The following SPAG17 variants were observed in gnomAD, a reference collection of about 807,000 sequenced individuals.
SPAG17 encodes the protein sperm associated antigen 17.
In SPAG17, 169 loss-of-function variants were observed where a neutral mutation model predicts 273.6. The observed-to-expected ratio is 0.62, with a 90% CI of 0.55 to 0.70. SPAG17 has a LOEUF of 0.70. Among genes scored for constraint, SPAG17 ranks in the 30% least tolerant of loss-of-function variants. SPAG17 has a pLI of 0.00. For missense variants in SPAG17, 2,557 were observed against 2,627.8 expected, an observed-to-expected ratio of 0.97 and a Z score of 0.59; for synonymous variants, 825 against 873.2, an observed-to-expected ratio of 0.94 and a Z score of 0.97.
chr1:118,181,478 T>C (rs1660944031), intron 1 of SPAG17, among the ~76,000 whole-genome samples: 1 of 152,028 alleles, frequency 6.6e-6, no homozygotes, highest in African/African-American at 2.4e-5. Flanking sequence ...ATATTAATAG[T>C]AACCAAGAGA....
At chr1:118,082,826 T>G (rs1654689740) in intron 13 of SPAG17, among the ~76,000 whole-genome samples, 1 of 152,102 alleles carries the variant, frequency 6.6e-6, no homozygotes, top group Non-Finnish European at 1.5e-5. Flanking sequence ...TGTATGGATA[T>G]CTGGGGGAAA....
Position 117,973,433 on chromosome 1 carries a change from G to A in SPAG17, c.6133C>T (p.Leu2045Phe), listed in dbSNP as rs771313878. ...TCCAATGTTTGTTTTACCTTTGCAA[G>A]AGGTTGAGACTTAGGCTTGGAACTC... ...LLSSKPKSQPLAKVQDSVGGK... is the reference protein window; with the variant it reads ...LLSSKPKSQPFAKVQDSVGGK... The change falls in exon 44 of 49, where the codon CTT becomes TTT. Residue 2045 changes from leucine to phenylalanine, a missense_variant. By Grantham distance (22) the Leu-to-Phe change is conservative (BLOSUM62 0). Coordinates refer to ENST00000336338, the MANE Select transcript of SPAG17 (RefSeq NM_206996.4). 6.2e-7 allele frequency: 1 copy of A among 1,612,116 alleles called. No homozygotes were observed. The highest frequency in any genetic ancestry group is 1.3e-5 in the African/African-American group (1 of 74,902).
rs1571145826 is a variant in SPAG17, at chr1:117,983,918, A to C, written c.5770-5T>G. 1 of 1,550,564 alleles carries C rather than the reference A, an allele frequency of 6.4e-7. No homozygotes were observed. The highest frequency in any genetic ancestry group is 1.7e-4 in the Middle Eastern group (1 of 5,786). On this transcript the variant is annotated splice_polypyrimidine_tract_variant and splice_region_variant and intron_variant, in intron 41 of 48. Coordinates refer to ENST00000336338, the MANE Select transcript of SPAG17 (RefSeq NM_206996.4). ...AAGACTGTCCAGGTGATTATACTGA[A>C]AGGAAAAAAAAACTTATTTTAGACT...
intron 45 of SPAG17, among the ~76,000 whole-genome samples, chr1:117,970,945 C>T (rs991787345): frequency 1.2e-4 from 19 of 152,196 alleles, no homozygotes; most frequent in African/African-American, 3.9e-4. Flanking sequence ...CTGAGTTCCA[C>T]ATCAGATTGT....
intron 3 of SPAG17, among the ~76,000 whole-genome samples, chr1:118,130,567 A>G (rs1658004255): frequency 6.6e-6 from 1 of 152,104 alleles, no homozygotes; most frequent in African/African-American, 2.4e-5. Context: ...CCATCTCAAG[A>G]CTGCGGTAGA....
intron 20 of SPAG17, among the ~76,000 whole-genome samples, chr1:118,049,082 T>C (rs146291635): frequency 1.3e-5 from 2 of 152,294 alleles, no homozygotes; most frequent in Admixed American, 6.5e-5. Context: ...GAATCAGTTA[T>C]AAAATGTCTC....
intron 1 of SPAG17, among the ~76,000 whole-genome samples, chr1:118,172,598 A>T (rs1390605588): frequency 6.6e-6 from 1 of 152,098 alleles, no homozygotes; most frequent in Non-Finnish European, 1.5e-5. Flanking sequence ...AATTGACAAA[A>T]CTCCAATCTA....
chr1:117,991,392 G>T (rs753346733), intron 37 of SPAG17, 23 bp downstream of exon 37: 1 of 1,349,278 alleles, frequency 7.4e-7, no homozygotes, highest in Non-Finnish European at 1.0e-6. Context: ...GTAAGAACAT[G>T]GGTATACAAG....
At chr1:118,074,834 A>G (rs984175895) in intron 15 of SPAG17, among the ~76,000 whole-genome samples, 1 of 152,250 alleles carries the variant, frequency 6.6e-6, no homozygotes, top group Non-Finnish European at 1.5e-5. Flanking sequence ...CTTGTGTGAT[A>G]TATCTTAAAT....
At chr1:117,994,256 A>C (rs1295572361) in intron 35 of SPAG17, 150 bp downstream of exon 35, 1 of 742,720 alleles carries the variant, frequency 1.3e-6, no homozygotes, top group African/African-American at 1.8e-5. Context: ...AAATGTTAGA[A>C]TCTTCAAATA....
chr1:118,170,202 T>C (rs1056480974), intron 1 of SPAG17, among the ~76,000 whole-genome samples: 2 of 152,172 alleles, frequency 1.3e-5, no homozygotes, highest in African/African-American at 4.8e-5. Context: ...TTTGGGTGTA[T>C]ACTACATGCC....
chr1:117,973,443 C>CTTA lies in SPAG17; in HGVS notation c.6120_6122dup (p.Pro2040_Lys2041insAsn), dbSNP rs770717621. ...GTTTTACCTTTGCAAGAGGTTGAGA[C>CTTA]TTAGGCTTGGAACTCAGCAAATAAT... On this transcript the variant is annotated inframe_insertion, in exon 44 of 49. Transcript: ENST00000336338. The CTTA allele has an allele frequency of 6.2e-7, 1 of 1,613,418 alleles. No individual in the cohort carries two copies. The highest frequency in any genetic ancestry group is 1.1e-5 in the South Asian group (1 of 90,986).
At chr1:118,018,688 G>A (rs726325) in intron 28 of SPAG17, among the ~76,000 whole-genome samples, 7,982 of 151,024 alleles carry the variant, frequency 0.053, 435 homozygotes, top group East Asian at 0.3. Flanking sequence ...AAAAAAAATT[G>A]CTGAGCATGG....
chr1:118,051,604 A>G (rs961897878), intron 20 of SPAG17, among the ~76,000 whole-genome samples: 1 of 150,430 alleles, frequency 6.6e-6, no homozygotes, highest in African/African-American at 2.4e-5. Flanking sequence ...TACTATGTAT[A>G]CATATATTAC....
intron 1 of SPAG17, among the ~76,000 whole-genome samples, chr1:118,161,303 T>C (rs1210273067): frequency 6.6e-6 from 1 of 152,150 alleles, no homozygotes; most frequent in Non-Finnish European, 1.5e-5. Flanking sequence ...GCAATTGTGC[T>C]AGGAAAGTAA....
chr1:117,999,679 T>G (rs1658054910), intron 32 of SPAG17, among the ~76,000 whole-genome samples: 1 of 152,204 alleles, frequency 6.6e-6, no homozygotes, highest in Non-Finnish European at 1.5e-5. Context: ...GGGTTGTTTT[T>G]TTCTTGTAAA....
chr1:118,007,503 A>G (rs972964082), intron 31 of SPAG17, among the ~76,000 whole-genome samples: 1 of 152,204 alleles, frequency 6.6e-6, no homozygotes, highest in African/African-American at 2.4e-5. Flanking sequence ...GGGGAAATGC[A>G]GAAAGGTAGG....
intron 4 of SPAG17, among the ~76,000 whole-genome samples, chr1:118,112,096 T>G (rs1008742640): frequency 2.6e-5 from 4 of 152,120 alleles, no homozygotes; most frequent in African/African-American, 9.7e-5. Context: ...GTTAATGACT[T>G]TTTGTATCGA....
chr1:118,152,319 T>C (rs571856201), intron 1 of SPAG17, among the ~76,000 whole-genome samples: 2 of 152,274 alleles, frequency 1.3e-5, no homozygotes, highest in South Asian at 4.2e-4. Flanking sequence ...GATTCAAATA[T>C]AGTAAAATGG....
Sources: allele counts gnomAD v4.1 joint callset (sites outside exome capture counted in the v4.1 genomes callset), GRCh38; gene constraint gnomAD v4.1.1; transcripts MANE v1.5; gene names NCBI Gene and HGNC (gene_info 2026-07-23, HGNC 2026-07-21).